Variants in NPHP4 observed in about 807,000 individuals in gnomAD.
NPHP4 encodes nephrocystin 4.
In NPHP4, 151 loss-of-function variants were observed where a neutral mutation model predicts 155.8. That is an observed-to-expected ratio of 0.97 (90% confidence interval 0.85 to 1.11). The LOEUF (loss-of-function observed/expected upper bound fraction) is 1.11, where lower values mean the gene tolerates loss of function less well. Ranked by LOEUF, NPHP4 falls within the 50% of genes least tolerant of loss-of-function variation. The probability of loss-of-function intolerance (pLI) is 0.00; values close to 1 mark genes in which losing one functional copy is unlikely to be tolerated. For synonymous variants in NPHP4, 845 were observed against 816.8 expected (o/e 1.03, Z -0.59); for missense variants, 1,956 against 1,925.7 (o/e 1.02, Z -0.29).
At chr1:5,950,105 T>C (rs1348174427) in intron 7 of NPHP4, among the ~76,000 whole-genome samples, 2 of 152,118 alleles carry the variant, frequency 1.3e-5, no homozygotes, top group African/African-American at 4.8e-5. Context: ...AAAAGTCCAA[T>C]TACACTTCAT....
At chr1:5,956,459 A>T (rs1229658749) in intron 6 of NPHP4, among the ~76,000 whole-genome samples, 3 of 152,164 alleles carry the variant, frequency 2.0e-5, no homozygotes, top group African/African-American at 7.2e-5. Flanking sequence ...ATCTGCAGTG[A>T]GTAGAAACTT....
In NPHP4 at chr1:5,986,377, G is replaced by A. The variant is rs543239851; in HGVS notation, c.-38-50C>T. The A allele has an allele frequency of 1.1e-3, 1,609 of 1,433,272 alleles. 7 individuals carry two copies. The highest frequency in any genetic ancestry group is 4.9e-3 in the Middle Eastern group (20 of 4,070). 88.8% of individuals were successfully genotyped at this position (1,433,272 alleles called of 1,614,324 possible). A position where few individuals can be genotyped will look rare whatever the true frequency, so the allele number is the denominator to read the frequency against. On this transcript the variant is annotated intron_variant, in intron 1 of 29. Transcript: ENST00000378156. ...GAGAAGAGCTGTGAGGGCTACAGTGGTCACAGCAATCCTGAAGGCTTCTGC... is the reference window on the plus strand; with the variant it reads ...GAGAAGAGCTGTGAGGGCTACAGTGATCACAGCAATCCTGAAGGCTTCTGC...
rs909658674 is a variant in NPHP4 at position 5,898,862 on chromosome 1, G to A, written c.2143+5755C>T. On this transcript the variant is annotated intron_variant, in intron 16 of 29. Transcript: ENST00000378156. ...ACACATGCACACACACACACACACA[G>A]ACAACACACTAGAAAATGGGCAGGG... 2.7e-5 allele frequency among the ~76,000 whole-genome samples: 4 copies of A among 149,608 alleles called. No homozygotes were observed. In the East Asian group the frequency reaches 7.7e-4, roughly 29 times the overall value.
chr1:5,896,402 CCCTCGG>C (rs1280426937), intron 16 of NPHP4, among the ~76,000 whole-genome samples: 2 of 152,152 alleles, frequency 1.3e-5, no homozygotes, highest in Non-Finnish European at 2.9e-5. Flanking sequence ...CAATTCTGAA[CCCTCGG>C]TGGGACAGAG....
chr1:5,905,828 A>G lies in NPHP4; in HGVS notation c.1612-45T>C. Reference sequence around the variant, plus strand: ...CCAAGTGAGGCCACCAAGGACCCCAACCCGTAACAACCAACGGTGCTCAGA... The same window carrying G: ...CCAAGTGAGGCCACCAAGGACCCCAGCCCGTAACAACCAACGGTGCTCAGA... On this transcript the variant is annotated intron_variant, in intron 13 of 29. Transcript: ENST00000378156. This position sits in a 1 kb window ranked among gnomAD's most constrained non-coding sequence, Gnocchi z 4.0. The G allele has an allele frequency of 6.4e-7, 1 of 1,555,796 alleles. No homozygotes were observed. Among genetic ancestry groups the G allele is most frequent in the Non-Finnish European group, 8.7e-7 (1 of 1,146,652 alleles).
rs1451053742 is a variant in NPHP4, at chr1:5,948,125, C to G, written c.937G>C (p.Ala313Pro). ...CTGAAGCTAGCTGAGCGCGTCAAGG[C>G]CACATCCATCTCAGGCACCAGTACA... ...VVVLVPEMDV[A>P]LTRSASFSRK... The change falls in exon 8 of 30, where the codon GCC becomes CCC. Residue 313 changes from alanine to proline, a missense_variant. Transcript: ENST00000378156. 2.5e-6 allele frequency: 4 copies of G among 1,613,722 alleles called. No individual in the cohort carries two copies. The highest frequency in any genetic ancestry group is 2.5e-6 in the Non-Finnish European group (3 of 1,179,882).
intron 6 of NPHP4, among the ~76,000 whole-genome samples, chr1:5,959,253 G>A (rs1649852950): frequency 3.9e-5 from 6 of 152,216 alleles, no homozygotes. Context: ...GGCACTGCCA[G>A]CATTCGTTTG....
intron 6 of NPHP4, among the ~76,000 whole-genome samples, chr1:5,955,080 C>T (rs959720974): frequency 2.0e-5 from 3 of 150,636 alleles, no homozygotes; most frequent in South Asian, 2.1e-4. Flanking sequence ...AAGGCCTTAA[C>T]AGACATTTCT....
At chr1:5,915,175 G>A (rs911118615) in intron 11 of NPHP4, among the ~76,000 whole-genome samples, 1 of 151,918 alleles carries the variant, frequency 6.6e-6, no homozygotes, top group African/African-American at 2.4e-5. Context: ...GCAACTCATG[G>A]CAGCTGGTGG....
At chr1:5,883,796 C>T (rs1294007155) in intron 18 of NPHP4, among the ~76,000 whole-genome samples, 1 of 152,192 alleles carries the variant, frequency 6.6e-6, no homozygotes, top group African/African-American at 2.4e-5. Flanking sequence ...GAAGTGGGCA[C>T]TGGTCTATTT....
chr1:5,931,755 A>C (rs924597270), intron 10 of NPHP4, among the ~76,000 whole-genome samples: 1 of 151,588 alleles, frequency 6.6e-6, no homozygotes, highest in Non-Finnish European at 1.5e-5. Flanking sequence ...AAAAAAAAAA[A>C]AAACTTTCTT....
chr1:5,906,343 A>C lies in NPHP4; in HGVS notation c.1612-560T>G, dbSNP rs1644913783. On this transcript the variant is annotated intron_variant, in intron 13 of 29. Transcript: ENST00000378156. ...TCCAAGGCCGAGGCAGGCCTCTCAG[A>C]GAGGAGCTGGCTTGGGAGTTGGGAA... is the stretch of plus-strand genomic sequence containing the variant. 2.0e-5 allele frequency among the ~76,000 whole-genome samples: 3 copies of C among 152,192 alleles called. No homozygotes were observed. In the South Asian group the frequency reaches 6.2e-4, roughly 32 times the overall value.
At chr1:5,922,753 C>T (rs903340134) in intron 11 of NPHP4, among the ~76,000 whole-genome samples, 4 of 148,898 alleles carry the variant, frequency 2.7e-5, no homozygotes, top group Admixed American at 6.6e-5. Context: ...TAGCCGGGCA[C>T]GGTGGCACTG....
chr1:5,982,642 G>A (rs1244553355), intron 2 of NPHP4, among the ~76,000 whole-genome samples: 2 of 152,150 alleles, frequency 1.3e-5, no homozygotes, highest in African/African-American at 2.4e-5. Context: ...GGAAACAGAC[G>A]TCACTGATTT....
chr1:5,895,333 T>TAA (rs34020356), intron 16 of NPHP4, among the ~76,000 whole-genome samples: 70 of 150,766 alleles, frequency 4.6e-4, no homozygotes, highest in African/African-American at 1.4e-3. Flanking sequence ...AAAGTATAAT[T>TAA]AAAAAAAAAT....
At chr1:5,980,784 T>C (rs1654549928) in intron 2 of NPHP4, among the ~76,000 whole-genome samples, 1 of 152,102 alleles carries the variant, frequency 6.6e-6, no homozygotes, top group African/African-American at 2.4e-5. Flanking sequence ...GGTGGTGTTA[T>C]CCATGAGGAC....
chr1:5,939,459 T>C (rs911068745), intron 9 of NPHP4, among the ~76,000 whole-genome samples: 1 of 152,180 alleles, frequency 6.6e-6, no homozygotes, highest in African/African-American at 2.4e-5. Context: ...ATGTGGGCAC[T>C]GCAGGGCCTG....
At chr1:5,941,158 A>G (rs551822831) in intron 9 of NPHP4, among the ~76,000 whole-genome samples, 2 of 152,280 alleles carry the variant, frequency 1.3e-5, no homozygotes, top group African/African-American at 4.8e-5. Flanking sequence ...AAGACAGAGT[A>G]TGTGATAAAG....
chr1:5,949,339 T>TACACACACACACACACACACAC (rs1411189925), intron 7 of NPHP4, among the ~76,000 whole-genome samples: 1 of 16,752 alleles, frequency 6.0e-5, no homozygotes, highest in Non-Finnish European at 1.2e-4. Context: ...CTCATTCACA[T>TACACACACACACACACACACAC]ACATACACAC....
Sources: gnomAD v4.1 joint callset for allele counts (sites outside exome capture counted in the v4.1 genomes callset) on GRCh38, gnomAD v4.1.1 for gene constraint, Gnocchi (gnomAD v3.1) non-coding constraint, MANE v1.5 for transcripts, NCBI Gene and HGNC (gene_info 2026-07-23, HGNC 2026-07-21) for gene names.